The following CYP2A6 variants were observed in gnomAD, a reference collection of about 807,000 sequenced individuals.
The protein encoded by CYP2A6 is cytochrome P450 2A6.
In CYP2A6, 27 loss-of-function variants were observed where a neutral mutation model predicts 42.3. That is an observed-to-expected ratio of 0.64 (90% CI 0.47 to 0.88). The LOEUF is 0.88. Ranked by LOEUF, CYP2A6 falls within the 40% of genes least tolerant of loss-of-function variation. The pLI is 0.00. For missense variants in CYP2A6, 628 were observed against 646.0 expected, an observed-to-expected ratio of 0.97 and a Z score of 0.30; for synonymous variants, 238 against 246.3, an observed-to-expected ratio of 0.97 and a Z score of 0.31.
chr19:40,849,679 T>C (rs1189872787), intron 2 of CYP2A6, 139 bp downstream of exon 2: 3 of 1,481,078 alleles, frequency 2.0e-6, no homozygotes, highest in Non-Finnish European at 1.8e-6. Flanking sequence ...GAGGCCACAA[T>C]GAAGGGAGAT....
In CYP2A6 at chr19:40,845,544, G is replaced by T. The variant is rs939273902; in HGVS notation, c.974-63C>A. 23 of 1,592,162 alleles carry T rather than the reference G, an allele frequency of 1.4e-5. No individual in the cohort carries two copies. Among genetic ancestry groups the T allele is most frequent in the African/African-American group, 1.3e-5 (1 of 74,130 alleles). On this transcript the variant is annotated intron_variant, in intron 6 of 8. Transcript: ENST00000301141. The stretch of plus-strand genomic sequence containing the variant: ...GTCTCAGAGCAGGAAATGATAGTCC[G>T]AATAGGCAAAATGGGGTGGATGATA...
At chr19:40,844,982 A>G in intron 7 of CYP2A6, 1 of 700,246 alleles carries the variant, frequency 1.4e-6, no homozygotes, top group Non-Finnish European at 2.3e-6. Context: ...ATGTCCTTCT[A>G]GGCAGGAGTT....
rs762256945 is a variant in CYP2A6, at chr19:40,848,691, C to T, written c.416G>A (p.Gly139Glu). The change falls in exon 3 of 9, where the codon GGG becomes GAG. Residue 139 changes from glycine to glutamate, a missense_variant. By Grantham distance (98) the Gly-to-Glu change is moderately conservative. Coordinates refer to ENST00000301141, the MANE Select transcript of CYP2A6 (RefSeq NM_000762.6). The stretch of plus-strand genomic sequence containing the variant: ...CTCCTCGATGCCTCGCTTGCCCACC[C>T]CGAAGTCCCGCAGGGTGGCGATGGA... ...RFSIATLRDF[G>E]VGKRGIEERI... is the part of the protein sequence containing the mutation. The T allele has an allele frequency of 1.2e-5, 20 of 1,611,870 alleles. No homozygotes were observed. The highest frequency in any genetic ancestry group is 1.7e-5 in the Non-Finnish European group (20 of 1,179,918).
intron 2 of CYP2A6, among the ~76,000 whole-genome samples, chr19:40,849,415 C>A (rs1475104840): frequency 1.3e-5 from 2 of 151,394 alleles, no homozygotes; most frequent in East Asian, 2.0e-4. Flanking sequence ...ACCCTGAAAT[C>A]CTAAGACAGA....
At position 40,845,000 on chromosome 19, in the gene CYP2A6, C is replaced by T. The variant is rs767151397; in HGVS notation, c.1162-228G>A. On this transcript the variant is annotated intron_variant, in intron 7 of 8. Transcript: ENST00000301141. ...TCCTTCTAGGCAGGAGTTTGGGGGACCTGAGATTTCTGTCCCTATGACAAA... is the reference window on the plus strand; with the variant it reads ...TCCTTCTAGGCAGGAGTTTGGGGGATCTGAGATTTCTGTCCCTATGACAAA... The T allele has an allele frequency of 2.8e-4, 183 of 658,496 alleles. 2 individuals carry two copies. The highest frequency in any genetic ancestry group is 4.3e-4 in the Non-Finnish European group (172 of 396,022). The allele number at this position is 658,496 out of a possible 1,614,324, so 40.8% of individuals were successfully genotyped here.
chr19:40,847,477 G>A (rs1480836327), intron 4 of CYP2A6, among the ~76,000 whole-genome samples: 2 of 151,436 alleles, frequency 1.3e-5, no homozygotes, highest in Non-Finnish European at 2.9e-5. Context: ...ATACTTACTG[G>A]GTCTGGATTG....
In CYP2A6 at chr19:40,845,300, G is replaced by A. The variant is rs961941376; in HGVS notation, c.1155C>T (p.Leu385=). The A allele has an allele frequency of 4.3e-6, 7 of 1,611,606 alleles. No homozygotes were observed. Among genetic ancestry groups the A allele is most frequent in the Non-Finnish European group, 5.9e-6 (7 of 1,179,858 alleles). Reference sequence around the variant, plus strand: ...GGGTGGGGGCGGATAGCACCTTAGGGAGGAAGAAATCCCGAAACTTGGTGT... The same window carrying A: ...GGGTGGGGGCGGATAGCACCTTAGGAAGGAAGAAATCCCGAAACTTGGTGT... The part of the protein sequence containing the change: ...KKDTKFRDFF[L]PKGTEVYPML... Residue 385 remains leucine (L), a synonymous_variant, in exon 7 of 9, where the codon CTC becomes CTT. Transcript: ENST00000301141.
At chr19:40,845,576 C>T (rs1407600660) in intron 6 of CYP2A6, 95 bp from the exon 7 acceptor site, 13 of 1,549,606 alleles carry the variant, frequency 8.4e-6, no homozygotes, top group South Asian at 2.4e-5. Context: ...GATATGGCTC[C>T]GCCTATGAGA....
Position 40,846,909 on chromosome 19 carries a change from TC to T in CYP2A6, c.796del (p.Asp266ThrfsTer23). Reference protein sequence around the residue: ...QRTLDPNSPRDFIDSFLIRMQ... With the variant: ...QRTLDPNSPRXFIDSFLIRMQ... Reference sequence around the variant, plus strand: ...GCGGATGAGAAAGGAGTCAATGAAGTCCCGTGGGGAATTGGGATCCAGCGTG... The same window carrying T: ...GCGGATGAGAAAGGAGTCAATGAAGTCCGTGGGGAATTGGGATCCAGCGTG... On this transcript the variant is annotated frameshift_variant, in exon 5 of 9. Transcript: ENST00000301141. LOFTEE classifies it high-confidence loss of function. 1 of 1,612,062 alleles carries T rather than the reference TC, an allele frequency of 6.2e-7. No individual in the cohort carries two copies. The highest frequency in any genetic ancestry group is 8.5e-7 in the Non-Finnish European group (1 of 1,179,962).
chr19:40,849,553 A>G (rs530757847), intron 2 of CYP2A6, among the ~76,000 whole-genome samples: 1 of 151,446 alleles, frequency 6.6e-6, no homozygotes, highest in East Asian at 2.0e-4. Flanking sequence ...GTCCTTAGAG[A>G]TGGAGAGAGA....
In CYP2A6 at chr19:40,848,774, G is replaced by A. The variant is rs751809348; in HGVS notation, c.344-11C>T. On this transcript the variant is annotated splice_polypyrimidine_tract_variant and intron_variant, in intron 2 of 8. Coordinates refer to ENST00000301141, the MANE Select transcript of CYP2A6 (RefSeq NM_000762.6). ...TGCTGAATACCACGCCTGGGGAGGTGAACGCGGGAATGGAGACAGGCCAGG... is the reference window on the plus strand; with the variant it reads ...TGCTGAATACCACGCCTGGGGAGGTAAACGCGGGAATGGAGACAGGCCAGG... 8 of 1,609,626 alleles carry A rather than the reference G, an allele frequency of 5.0e-6. No individual in the cohort carries two copies. The highest frequency in any genetic ancestry group is 6.8e-6 in the Non-Finnish European group (8 of 1,179,324).
Position 40,848,393 on chromosome 19 carries a change from G to T in CYP2A6, c.494-14C>A. The T allele has an allele frequency of 6.2e-7, 1 of 1,611,710 alleles. No homozygotes were observed. The highest frequency in any genetic ancestry group is 2.3e-5 in the East Asian group (1 of 43,398). On this transcript the variant is annotated splice_polypyrimidine_tract_variant and intron_variant, in intron 3 of 8. Transcript: ENST00000301141. The stretch of plus-strand genomic sequence containing the variant: ...CGATATTGGCGCCTGCGGGTATGGC[G>T]GGAGAAGGGGGTTGGGGAGAGAGTC...
rs1408720429 is a variant in CYP2A6, at chr19:40,848,317, C to G, written c.556G>C (p.Val186Leu). ...RTVSNVISSI[V>L]FGDRFDYKDK... ...TTATAGTCAAAGCGGTCCCCAAAGACAATGGAGCTGATGACATTGGAGACT... is the reference window on the plus strand; with the variant it reads ...TTATAGTCAAAGCGGTCCCCAAAGAGAATGGAGCTGATGACATTGGAGACT... Residue 186 changes from valine (V) to leucine (L), a missense_variant, in exon 4 of 9, where the codon GTC (valine) becomes CTC (leucine). Val to Leu is a conservative substitution (Grantham distance 32). This residue lies in a region of CYP2A6 where 606 missense variants were observed against 568.1 expected (regional missense o/e 1.07). Coordinates refer to ENST00000301141, the MANE Select transcript of CYP2A6 (RefSeq NM_000762.6). 6.2e-7 allele frequency: 1 copy of G among 1,611,900 alleles called. No individual in the cohort carries two copies. Among genetic ancestry groups the G allele is most frequent in the Admixed American group, 1.7e-5 (1 of 59,976 alleles).
intron 2 of CYP2A6, 100 bp downstream of exon 2, chr19:40,849,718 G>A: frequency 6.4e-7 from 1 of 1,569,352 alleles, no homozygotes; most frequent in Non-Finnish European, 8.6e-7. Flanking sequence ...TGGGGACTCT[G>A]CCTTAGCCTC....
At chr19:40,846,835 C>T (rs1967108841) in intron 5 of CYP2A6, 40 bp downstream of exon 5, 2 of 1,604,726 alleles carry the variant, frequency 1.2e-6, no homozygotes, top group African/African-American at 1.3e-5. Context: ...TTTCCCTCTG[C>T]CTGGCTTTGC....
At chr19:40,844,272 A>C (rs1486072448) in intron 8 of CYP2A6, among the ~76,000 whole-genome samples, 1 of 151,564 alleles carries the variant, frequency 6.6e-6, no homozygotes, top group Non-Finnish European at 1.5e-5. Flanking sequence ...TCACACATCC[A>C]TCATAGATGG....
At chr19:40,847,751 A>T (rs930777513) in intron 4 of CYP2A6, among the ~76,000 whole-genome samples, 8 of 151,724 alleles carry the variant, frequency 5.3e-5, no homozygotes, top group Non-Finnish European at 1.2e-4. Flanking sequence ...GCGCTTGGCC[A>T]GATATTCCAG....
At chr19:40,848,507 C>G in intron 3 of CYP2A6, 107 bp downstream of exon 3, 1 of 1,576,110 alleles carries the variant, frequency 6.3e-7, no homozygotes, top group Non-Finnish European at 8.6e-7. Flanking sequence ...GCTGGAAGTG[C>G]GGGCGCCTTT....
Position 40,846,793 on chromosome 19 carries a change from T to A in CYP2A6, c.831+82A>T, listed in dbSNP as rs1967108258. 2.6e-6 allele frequency: 4 copies of A among 1,558,800 alleles called. No homozygotes were observed. The Admixed American group carries it at 7.1e-5, about 28-fold the overall frequency. ...TGATGAGGGTTAATTTGAATGGGCC[T>A]GTGTCATCTGCCTGCCCCACTCCCA... On this transcript the variant is annotated intron_variant, in intron 5 of 8. Transcript: ENST00000301141.
Sources: allele counts gnomAD v4.1 joint callset (sites outside exome capture counted in the v4.1 genomes callset), GRCh38; gene constraint gnomAD v4.1.1; regional missense constraint gnomAD v4.1.1; transcripts MANE v1.5; gene names NCBI Gene and HGNC (gene_info 2026-07-23, HGNC 2026-07-21).